Variants in GNG2 observed in about 807,000 individuals in gnomAD.
The protein encoded by GNG2 is guanine nucleotide-binding protein G(I)/G(S)/G(O) subunit gamma-2.
GNG2 carries 5 observed loss-of-function variants against 5.5 expected under a neutral mutation model. That is an observed-to-expected ratio of 0.91 (90% CI 0.48 to 1.92). The LOEUF (loss-of-function observed/expected upper bound fraction) is 1.92, where lower values mean the gene tolerates loss of function less well. GNG2 is among the 30% of genes most tolerant of loss of function. GNG2 has a pLI of 0.01. For missense variants in GNG2, 55 were observed against 88.4 expected (o/e 0.62, Z 1.52); for synonymous variants, 28 against 32.0 (o/e 0.88, Z 0.42).
intron 2 of GNG2, among the ~76,000 whole-genome samples, chr14:51,831,042 C>T (rs1039507593): frequency 1.3e-5 from 2 of 152,220 alleles, no homozygotes; most frequent in African/African-American, 4.8e-5. Context: ...ATGCACCAGG[C>T]ATGCTCCAGC....
At chr14:51,874,628 G>T (rs1400445858) in intron 1 of GNG2, among the ~76,000 whole-genome samples, 1 of 151,868 alleles carries the variant, frequency 6.6e-6, no homozygotes, top group African/African-American at 2.4e-5. Flanking sequence ...GCTACTACTT[G>T]GGAGGCTGAT....
intron 2 of GNG2, among the ~76,000 whole-genome samples, chr14:51,938,125 C>T (rs1043320018): frequency 1.2e-4 from 18 of 152,108 alleles, no homozygotes; most frequent in East Asian, 1.9e-4. Context: ...AATTTTAAAC[C>T]GCAATTTAGA....
intron 2 of GNG2, among the ~76,000 whole-genome samples, chr14:51,909,367 A>C (rs567083226): frequency 6.6e-6 from 1 of 152,336 alleles, no homozygotes; most frequent in Admixed American, 6.5e-5. Context: ...TATAACATTA[A>C]AAATTCAACA....
intron 2 of GNG2, among the ~76,000 whole-genome samples, chr14:51,920,735 CA>C (rs1886969538): frequency 6.6e-6 from 1 of 152,130 alleles, no homozygotes; most frequent in Non-Finnish European, 1.5e-5. Flanking sequence ...TCTATGTAGG[CA>C]GTGGAAGATG....
chr14:51,829,482 G>A (rs1441479375), intron 2 of GNG2, among the ~76,000 whole-genome samples: 13 of 151,886 alleles, frequency 8.6e-5, no homozygotes, highest in Non-Finnish European at 5.9e-5. Flanking sequence ...GGGTACTCAC[G>A]TGTCAACCCC....
At chr14:51,860,205 C>A (rs1882368186), upstream of GNG2, among the ~76,000 whole-genome samples, 1 of 135,802 alleles carries the variant, frequency 7.4e-6, no homozygotes, top group Non-Finnish European at 1.6e-5. Flanking sequence ...AGAACCTGGC[C>A]AGGGGATGTT....
intron 2 of GNG2, among the ~76,000 whole-genome samples, chr14:51,882,825 C>T (rs1249306581): frequency 6.6e-6 from 1 of 151,658 alleles, no homozygotes; most frequent in Admixed American, 6.6e-5. Flanking sequence ...CTGGCTAACA[C>T]GGTGAAACCC....
chr14:51,916,638 C>G, intron 2 of GNG2: 1 of 385,920 alleles, frequency 2.6e-6, no homozygotes, highest in South Asian at 2.0e-5. Flanking sequence ...GAGCCAGGTG[C>G]TGGGAGGCCT....
At chr14:51,850,438 C>G (rs1333507166) in intron 2 of GNG2, among the ~76,000 whole-genome samples, 1 of 152,100 alleles carries the variant, frequency 6.6e-6, no homozygotes, top group Non-Finnish European at 1.5e-5. Flanking sequence ...ACCAAGTGTA[C>G]CAGTGAAAAT....
chr14:51,948,920 G>C (rs1242014532), intron 2 of GNG2, among the ~76,000 whole-genome samples: 3 of 152,076 alleles, frequency 2.0e-5, no homozygotes, highest in Non-Finnish European at 2.9e-5. Flanking sequence ...AGGAGATCAA[G>C]ACCATCCTGG....
At chr14:51,963,762 C>T (rs1258402883) in intron 3 of GNG2, among the ~76,000 whole-genome samples, 1 of 152,142 alleles carries the variant, frequency 6.6e-6, no homozygotes, top group Non-Finnish European at 1.5e-5. Flanking sequence ...TCTGCTGAGC[C>T]TCAATTTTTC....
rs140312124 is a variant in GNG2, at chr14:51,960,609, T to A, written c.88-5950T>A. ...ATATTAACAATTGTTAAAATAACAA[T>A]TGTTTAAAAATAACAATTGTTACTT... On this transcript the variant is annotated intron_variant, in intron 3 of 3. Coordinates refer to ENST00000556766, the MANE Select transcript of GNG2 (RefSeq NM_053064.5). Among the ~76,000 whole-genome samples the A allele has an allele frequency of 2.6e-5, 4 of 152,266 alleles. No individual in the cohort carries two copies. The East Asian group carries it at 7.7e-4, about 29-fold the overall frequency.
At chr14:51,832,136 C>T (rs1881213306) in intron 2 of GNG2, among the ~76,000 whole-genome samples, 1 of 139,710 alleles carries the variant, frequency 7.2e-6, no homozygotes, top group African/African-American at 2.9e-5. Flanking sequence ...AAAAATTAGT[C>T]GGGCATGGTG....
chr14:51,836,854 ATCTT>A (rs1485489221), intron 2 of GNG2, among the ~76,000 whole-genome samples: 1 of 106,656 alleles, frequency 9.4e-6, no homozygotes, highest in Non-Finnish European at 2.0e-5. Flanking sequence ...AAGTGACTTC[ATCTT>A]TTTTTTTTTT....
intron 1 of GNG2, among the ~76,000 whole-genome samples, chr14:51,865,794 G>T (rs532869926): frequency 6.6e-6 from 1 of 152,252 alleles, no homozygotes; most frequent in Non-Finnish European, 1.5e-5. Flanking sequence ...AGGTGTGAAA[G>T]ATGCCACTGT....
chr14:51,935,894 CTTAAG>C (rs1283246779), intron 2 of GNG2, among the ~76,000 whole-genome samples: 1 of 152,058 alleles, frequency 6.6e-6, no homozygotes, highest in African/African-American at 2.4e-5. Flanking sequence ...CACTCTGTCC[CTTAAG>C]TTTTTTATTT....
At chr14:51,908,301 T>C (rs1011959308) in intron 2 of GNG2, among the ~76,000 whole-genome samples, 6 of 152,210 alleles carry the variant, frequency 3.9e-5, no homozygotes, top group Admixed American at 2.0e-4. Context: ...TTTTGTAATG[T>C]CATTTTAGAA....
intron 3 of GNG2, among the ~76,000 whole-genome samples, chr14:51,956,149 C>G (rs1375998360): frequency 6.6e-6 from 1 of 152,188 alleles, no homozygotes; most frequent in African/African-American, 2.4e-5. Flanking sequence ...CTATATATCT[C>G]TTTATCCAAC....
rs976284608 is a variant in GNG2 at position 51,967,666 on chromosome 14, A to G, written c.*979A>G. The G allele has an allele frequency of 6.6e-6, 1 of 152,074 alleles. No individual in the cohort carries two copies. The highest frequency in any genetic ancestry group is 1.5e-5 in the Non-Finnish European group (1 of 68,044). 9.4% of individuals were successfully genotyped at this position (152,074 alleles called of 1,614,324 possible). A position where few individuals can be genotyped will look rare whatever the true frequency, so the allele number is the denominator to read the frequency against. Reference sequence around the variant, plus strand: ...TCTTCAATACGTTTTCCAGAATCCAAAGCATTTTGGTTTATCCAGGACCCA... The same window carrying G: ...TCTTCAATACGTTTTCCAGAATCCAGAGCATTTTGGTTTATCCAGGACCCA... On this transcript the variant is annotated 3_prime_UTR_variant, in exon 4 of 4. Coordinates refer to ENST00000556766, the MANE Select transcript of GNG2 (RefSeq NM_053064.5).
Sources: allele counts gnomAD v4.1 joint callset (sites outside exome capture counted in the v4.1 genomes callset), GRCh38; gene constraint gnomAD v4.1.1; transcripts MANE v1.5; gene names NCBI Gene and HGNC (gene_info 2026-07-23, HGNC 2026-07-21).